The following TASP1 variants were observed in gnomAD, a reference collection of about 807,000 sequenced individuals.
TASP1 encodes taspase 1, also known as threonine aspartase 1.
A neutral mutation model predicts 56.6 loss-of-function variants in TASP1; 16 were observed. The ratio of observed to expected loss-of-function variants is 0.28; its 90% CI spans 0.19 to 0.43. TASP1 has a LOEUF of 0.43. Among genes scored for constraint, TASP1 ranks in the 20% least tolerant of loss-of-function variants. TASP1 has a pLI of 1.00. For synonymous variants in TASP1, 179 were observed against 184.2 expected, an observed-to-expected ratio of 0.97 and a Z score of 0.23; for missense variants, 393 against 511.6, an observed-to-expected ratio of 0.77 and a Z score of 2.24.
At chr20:13,438,144 G>GA (rs1487223523) in intron 11 of TASP1, among the ~76,000 whole-genome samples, 3 of 151,844 alleles carry the variant, frequency 2.0e-5, no homozygotes, top group Non-Finnish European at 4.4e-5. Flanking sequence ...TACAGAATTG[G>GA]AAAAAACTAC....
intron 1 of TASP1, among the ~76,000 whole-genome samples, chr20:13,630,872 T>C (rs1007402386): frequency 1.1e-4 from 16 of 152,148 alleles, no homozygotes; most frequent in Non-Finnish European, 1.8e-4. Flanking sequence ...AGTTGCTTTA[T>C]AAGCACATTT....
chr20:13,241,181 C>T, the TASP1 span, among the ~76,000 whole-genome samples: 1 of 152,146 alleles, frequency 6.6e-6, no homozygotes. Context: ...AGGTCACCAA[C>T]TGCTCTGCAG....
chr20:13,551,432 A>G (rs1042323210), intron 8 of TASP1, among the ~76,000 whole-genome samples: 1 of 152,190 alleles, frequency 6.6e-6, no homozygotes, highest in Non-Finnish European at 1.5e-5. Context: ...AGAGATGGAA[A>G]CTATTTCAAC....
chr20:13,399,314 A>G (rs578237033), intron 13 of TASP1, among the ~76,000 whole-genome samples: 1 of 152,220 alleles, frequency 6.6e-6, no homozygotes, highest in Non-Finnish European at 1.5e-5. Flanking sequence ...CCTAATATGT[A>G]TCTCCATCTT....
At chr20:13,426,250 C>T (rs1395397262) in intron 12 of TASP1, among the ~76,000 whole-genome samples, 3 of 152,250 alleles carry the variant, frequency 2.0e-5, no homozygotes, top group African/African-American at 7.2e-5. Flanking sequence ...TTTATTAAAA[C>T]GCAATTTTAT....
intron 6 of TASP1, among the ~76,000 whole-genome samples, chr20:13,577,783 G>A (rs371145515): frequency 3.3e-5 from 5 of 152,252 alleles, no homozygotes; most frequent in African/African-American, 1.2e-4. Flanking sequence ...CTGAATCTAA[G>A]GTATTTTGTT....
At chr20:13,190,947 C>CA in the TASP1 span, among the ~76,000 whole-genome samples, 14 of 150,768 alleles carry the variant, frequency 9.3e-5, no homozygotes, top group African/African-American at 2.9e-4. Flanking sequence ...AGACTTATCT[C>CA]AAAAAAAAGA....
the TASP1 span, among the ~76,000 whole-genome samples, chr20:13,377,534 C>CT: frequency 1.3e-5 from 2 of 152,236 alleles, no homozygotes; most frequent in South Asian, 2.1e-4. Context: ...CTGAAATTTT[C>CT]TTTTTTTGTG....
intron 1 of TASP1, among the ~76,000 whole-genome samples, chr20:13,633,054 C>T (rs6109985): frequency 0.032 from 4,882 of 152,092 alleles, 217 homozygotes; most frequent in African/African-American, 0.096. Flanking sequence ...TAAATTGGTA[C>T]GACTCAACAA....
intron 7 of TASP1, among the ~76,000 whole-genome samples, chr20:13,568,814 T>G (rs1282141019): frequency 6.6e-6 from 1 of 152,154 alleles, no homozygotes; most frequent in African/African-American, 2.4e-5. Flanking sequence ...CCAATTCACA[T>G]TTATACTTAC....
intron 12 of TASP1, among the ~76,000 whole-genome samples, chr20:13,420,056 A>G (rs1428418171): frequency 6.6e-6 from 1 of 152,216 alleles, no homozygotes; most frequent in Non-Finnish European, 1.5e-5. Context: ...AAGTTAAAGC[A>G]TTTCTAAAAT....
chr20:13,309,269 G>A, the TASP1 span, among the ~76,000 whole-genome samples: 1 of 151,414 alleles, frequency 6.6e-6, no homozygotes, highest in Admixed American at 6.6e-5. Context: ...TACTTTAGAG[G>A]TAACATTTTA....
chr20:13,382,203 T>C, the TASP1 span, among the ~76,000 whole-genome samples: 2 of 152,322 alleles, frequency 1.3e-5, no homozygotes, highest in Admixed American at 1.3e-4. Context: ...ACTAGCTGTT[T>C]TTAGCCAGTT....
intron 4 of TASP1, among the ~76,000 whole-genome samples, chr20:13,613,562 GAA>G (rs948118997): frequency 6.6e-6 from 1 of 151,584 alleles, no homozygotes; most frequent in Non-Finnish European, 1.5e-5. Flanking sequence ...TCCATGTATT[GAA>G]AAAAAGGCAC....
the TASP1 span, among the ~76,000 whole-genome samples, chr20:13,247,345 T>C: frequency 6.5e-4 from 99 of 152,324 alleles, 1 homozygote; most frequent in African/African-American, 2.3e-3. Flanking sequence ...TCAGGAAATG[T>C]TGTGTCTTTA....
the TASP1 span, among the ~76,000 whole-genome samples, chr20:13,111,344 A>G: frequency 6.6e-6 from 1 of 152,134 alleles, no homozygotes; most frequent in Non-Finnish European, 1.5e-5. Context: ...CTCCAGGGTG[A>G]GCTTGTCCTT....
the TASP1 span, chr20:13,270,819 T>C: frequency 3.5e-6 from 5 of 1,417,276 alleles, no homozygotes; most frequent in Non-Finnish European, 4.9e-6. Context: ...CAGTGGAAAC[T>C]GCTGCCTTAC....
At chr20:13,114,640 G>C in the TASP1 span, among the ~76,000 whole-genome samples, 1 of 152,200 alleles carries the variant, frequency 6.6e-6, no homozygotes, top group Non-Finnish European at 1.5e-5. Context: ...GTGGTAAACT[G>C]TCACCTGTAT....
intron 10 of TASP1, among the ~76,000 whole-genome samples, chr20:13,511,323 G>A (rs947313921): frequency 6.6e-6 from 1 of 152,098 alleles, no homozygotes; most frequent in Non-Finnish European, 1.5e-5. Flanking sequence ...CAAGAGAAGT[G>A]GAGAACCAGG....
Sources: allele counts gnomAD v4.1 joint callset (sites outside exome capture counted in the v4.1 genomes callset), GRCh38; gene constraint gnomAD v4.1.1; transcripts MANE v1.5; gene names NCBI Gene and HGNC (gene_info 2026-07-23, HGNC 2026-07-21).